PXT1: variants seen among roughly 807,000 people sequenced by gnomAD.
PXT1 encodes the protein peroxisomal testis enriched protein 1.
PXT1 carries 11 observed loss-of-function variants against 11.0 expected under a neutral mutation model. That is an observed-to-expected ratio of 1.00 (90% CI 0.63 to 1.66). The LOEUF (loss-of-function observed/expected upper bound fraction) is 1.66, where lower values mean the gene tolerates loss of function less well. Ranked by LOEUF, PXT1 falls within the 40% of genes most tolerant of loss-of-function variation. The pLI is 0.00. For missense variants in PXT1, 141 were observed against 155.5 expected, an observed-to-expected ratio of 0.91 and a Z score of 0.49; for synonymous variants, 43 against 51.4, an observed-to-expected ratio of 0.84 and a Z score of 0.70.
At chr6:36,423,069 T>G (rs1026800574) in intron 3 of PXT1, among the ~76,000 whole-genome samples, 2 of 152,242 alleles carry the variant, frequency 1.3e-5, no homozygotes, top group Non-Finnish European at 2.9e-5. Flanking sequence ...ACAAAAATTA[T>G]GTATTTTCCC....
intron 3 of PXT1, among the ~76,000 whole-genome samples, chr6:36,413,275 G>C (rs780479051): frequency 2.0e-5 from 3 of 152,078 alleles, no homozygotes; most frequent in Admixed American, 6.6e-5. Flanking sequence ...AAATTAGCTG[G>C]GTGTGGTGGT....
At chr6:36,403,454 G>T (rs1774241936) in intron 3 of PXT1, among the ~76,000 whole-genome samples, 1 of 152,194 alleles carries the variant, frequency 6.6e-6, no homozygotes, top group Admixed American at 6.5e-5. Context: ...CACTTTTCAG[G>T]CTTGGGGGAT....
chr6:36,441,524 C>T (rs1391859570), intron 1 of PXT1, among the ~76,000 whole-genome samples: 3 of 152,104 alleles, frequency 2.0e-5, no homozygotes, highest in African/African-American at 7.2e-5. Flanking sequence ...AAAGGAGAGC[C>T]CTTACAGGAT....
intron 2 of PXT1, among the ~76,000 whole-genome samples, chr6:36,436,967 A>G (rs1240233952): frequency 6.6e-6 from 1 of 152,286 alleles, no homozygotes; most frequent in East Asian, 1.9e-4. Flanking sequence ...GTGCAATTGT[A>G]CAGTTACATT....
chr6:36,399,131 T>TATTTC (rs66650581), intron 4 of PXT1, among the ~76,000 whole-genome samples: 5,788 of 150,570 alleles, frequency 0.038, 135 homozygotes, highest in African/African-American at 0.051. Context: ...TATTTTATTT[T>TATTTC]ATTTCATTTC....
chr6:36,410,019 A>G (rs1774346809), intron 3 of PXT1, among the ~76,000 whole-genome samples: 2 of 151,158 alleles, frequency 1.3e-5, no homozygotes, highest in Non-Finnish European at 3.0e-5. Flanking sequence ...AAAGAGAAAG[A>G]AAGGAAGGAA....
chr6:36,420,601 A>G (rs777454040), intron 3 of PXT1, among the ~76,000 whole-genome samples: 13 of 152,192 alleles, frequency 8.5e-5, no homozygotes, highest in South Asian at 4.1e-4. Flanking sequence ...AGAATGAAAG[A>G]GAGAGTCTTC....
At position 36,442,537 on chromosome 6, in the gene PXT1, T is replaced by G. The variant is rs1774893160; in HGVS notation, c.-132A>C. 6.6e-6 allele frequency: 1 copy of G among 152,210 alleles called. No individual in the cohort carries two copies. The highest frequency in any genetic ancestry group is 1.5e-5 in the Non-Finnish European group (1 of 68,042). 9.4% of individuals were successfully genotyped at this position (152,210 alleles called of 1,614,324 possible). Reference sequence around the variant, plus strand: ...TACACCTTTGTAATAGCAGGTACCTTCATGAAACTCAGTATTTGAGAAAAA... The same window carrying G: ...TACACCTTTGTAATAGCAGGTACCTGCATGAAACTCAGTATTTGAGAAAAA... On this transcript the variant is annotated splice_region_variant and 5_prime_UTR_variant, in exon 1 of 5. Transcript: ENST00000454782.
At chr6:36,422,862 A>G (rs1263600565) in intron 3 of PXT1, among the ~76,000 whole-genome samples, 4 of 152,120 alleles carry the variant, frequency 2.6e-5, no homozygotes, top group Non-Finnish European at 5.9e-5. Context: ...TCCCATCAGT[A>G]ATTATTACAC....
intron 3 of PXT1, among the ~76,000 whole-genome samples, chr6:36,402,944 T>G (rs1242800808): frequency 9.3e-6 from 1 of 107,304 alleles, no homozygotes; most frequent in African/African-American, 3.6e-5. Context: ...CTTTTCTTTC[T>G]TTCTTTCTTT....
chr6:36,409,792 C>T (rs577588431), intron 3 of PXT1, among the ~76,000 whole-genome samples: 54 of 139,396 alleles, frequency 3.9e-4, no homozygotes, highest in Non-Finnish European at 9.0e-5. Context: ...TTCCACTGTA[C>T]TCCAGCCTGG....
chr6:36,426,809 C>T (rs1488702798), intron 2 of PXT1, among the ~76,000 whole-genome samples: 1 of 143,914 alleles, frequency 6.9e-6, no homozygotes, highest in African/African-American at 2.7e-5. Context: ...TGGAATACAA[C>T]ACACTCTTTG....
chr6:36,410,375 G>A (rs998439330), intron 3 of PXT1, among the ~76,000 whole-genome samples: 30 of 151,850 alleles, frequency 2.0e-4, no homozygotes, highest in Non-Finnish European at 3.1e-4. Context: ...GCTTGAATCC[G>A]GGAGGCGGAG....
chr6:36,415,016 T>C (rs186966384), intron 3 of PXT1, among the ~76,000 whole-genome samples: 6 of 152,244 alleles, frequency 3.9e-5, no homozygotes, highest in Admixed American at 6.5e-5. Flanking sequence ...AAATTTATCA[T>C]AGTTAAATGT....
chr6:36,391,999 CTTG>C, intron 4 of PXT1, 125 bp from the exon 5 acceptor site: 1 of 657,544 alleles, frequency 1.5e-6, no homozygotes, highest in Non-Finnish European at 2.6e-6. Context: ...AAACAAGCTT[CTTG>C]GGTTGCTTTA....
chr6:36,410,776 C>T (rs549321756), intron 3 of PXT1, among the ~76,000 whole-genome samples: 3 of 152,294 alleles, frequency 2.0e-5, no homozygotes, highest in South Asian at 2.1e-4. Context: ...CAGAAACTAA[C>T]TCATCTCCCT....
intron 4 of PXT1, chr6:36,393,511 C>T (rs1365154063): frequency 6.6e-6 from 1 of 152,604 alleles, no homozygotes; most frequent in Non-Finnish European, 1.5e-5. Flanking sequence ...TGGTGGATCA[C>T]TTGAGCCCAG....
In PXT1 at chr6:36,393,167, G is replaced by T. The variant is rs570931664; in HGVS notation, c.301-1293C>A. The T allele has an allele frequency of 2.0e-5, 3 of 152,132 alleles. No individual in the cohort carries two copies. In the East Asian group the frequency reaches 5.8e-4, roughly 29 times the overall value. 9.4% of individuals were successfully genotyped at this position (152,132 alleles called of 1,614,324 possible). ...TTTTTGTATTTTTAGTAGAGACAGG[G>T]TTTCTCCATGTTGGTCAGCCTAGTC... is the stretch of plus-strand genomic sequence containing the variant. On this transcript the variant is annotated intron_variant, in intron 4 of 4. Transcript: ENST00000454782.
chr6:36,399,916 A>G (rs1021807659), intron 4 of PXT1, among the ~76,000 whole-genome samples: 1 of 152,172 alleles, frequency 6.6e-6, no homozygotes, highest in Non-Finnish European at 1.5e-5. Flanking sequence ...CCACAGTCCA[A>G]GGCATAGGTT....
Sources: allele counts gnomAD v4.1 joint callset (sites outside exome capture counted in the v4.1 genomes callset), GRCh38; gene constraint gnomAD v4.1.1; transcripts MANE v1.5; gene names NCBI Gene and HGNC (gene_info 2026-07-23, HGNC 2026-07-21).